Variants in CCR5AS observed in about 807,000 individuals in gnomAD.
The protein encoded by CCR5AS is CCR5 antisense RNA.
chr3:46,402,736 A>G (rs1702014099), intron 1 of CCR5AS, among the ~76,000 whole-genome samples: 1 of 152,132 alleles, frequency 6.6e-6, no homozygotes, highest in Non-Finnish European at 1.5e-5. Context: ...TTAAACAATA[A>G]TTTTTTGAAC....
intron 2 of CCR5AS, chr3:46,392,690 T>C (rs1027247211): frequency 6.6e-6 from 1 of 152,452 alleles, no homozygotes; most frequent in Non-Finnish European, 1.5e-5. Flanking sequence ...ATGATCCATG[T>C]TGGAGTTTTT....
chr3:46,374,079 T>C (rs950293317), intron 2 of CCR5AS: 17 of 643,822 alleles, frequency 2.6e-5, no homozygotes, highest in Middle Eastern at 3.8e-4. Flanking sequence ...GTTACTGTTA[T>C]AGAGGGTCTA....
At chr3:46,384,890 TAGATAGATAG>T (rs1309639508) in intron 2 of CCR5AS, among the ~76,000 whole-genome samples, 109 of 150,692 alleles carry the variant, frequency 7.2e-4, no homozygotes, top group Non-Finnish European at 1.4e-3. Flanking sequence ...GATAGATAGA[TAGATAGATAG>T]ATAGATAGAT....
exon 2 of CCR5AS, chr3:46,392,945 C>T (rs575855215): frequency 3.1e-5 from 5 of 162,708 alleles, no homozygotes; most frequent in South Asian, 1.7e-4. Context: ...TCACCCTGTC[C>T]GGGGTCTTCG....
At chr3:46,391,079 C>A (rs1325065747) in intron 2 of CCR5AS, among the ~76,000 whole-genome samples, 1 of 152,160 alleles carries the variant, frequency 6.6e-6, no homozygotes, top group Non-Finnish European at 1.5e-5. Context: ...GAGCCTTGGG[C>A]CAGAGTTCCA....
intron 1 of CCR5AS, among the ~76,000 whole-genome samples, chr3:46,404,711 T>A (rs2106783613): frequency 6.6e-6 from 1 of 152,234 alleles, no homozygotes; most frequent in Admixed American, 6.5e-5. Context: ...TTGCTGTCCT[T>A]CCCTGCTTCG....
At chr3:46,366,428 G>T (rs1199671867) in intron 3 of CCR5AS, among the ~76,000 whole-genome samples, 1 of 152,190 alleles carries the variant, frequency 6.6e-6, no homozygotes, top group African/African-American at 2.4e-5. Context: ...GTACCTACAT[G>T]GCACTAGCCT....
intron 2 of CCR5AS, among the ~76,000 whole-genome samples, chr3:46,390,191 G>T (rs1209016654): frequency 6.6e-6 from 1 of 152,144 alleles, no homozygotes; most frequent in Non-Finnish European, 1.5e-5. Flanking sequence ...GTCAGAGTCA[G>T]TCCAAGTAAG....
At chr3:46,373,185 G>A (rs149975182) in intron 2 of CCR5AS, 31 of 1,614,142 alleles carry the variant, frequency 1.9e-5, no homozygotes, top group East Asian at 4.5e-5. Context: ...CGCCCAGTGG[G>A]ACTTTGGAAA....
At chr3:46,397,459 A>G (rs34200951) in intron 1 of CCR5AS, among the ~76,000 whole-genome samples, 47,423 of 151,920 alleles carry the variant, frequency 0.31, 9,259 homozygotes, top group African/African-American at 0.55. Context: ...AATTTGGACA[A>G]GGTATAGGGA....
intron 1 of CCR5AS, among the ~76,000 whole-genome samples, chr3:46,406,277 T>C (rs771139628): frequency 2.8e-4 from 43 of 152,186 alleles, no homozygotes; most frequent in Non-Finnish European, 5.7e-4. Context: ...TTAATCAATA[T>C]ATAAATTCTA....
chr3:46,402,498 T>C (rs973607778), intron 1 of CCR5AS, among the ~76,000 whole-genome samples: 8 of 152,240 alleles, frequency 5.3e-5, no homozygotes, highest in Admixed American at 2.6e-4. Flanking sequence ...TTAAAACTTA[T>C]AATGGCTATT....
chr3:46,404,328 T>TCCC (rs375246531), intron 1 of CCR5AS, among the ~76,000 whole-genome samples: 3 of 42,296 alleles, frequency 7.1e-5, no homozygotes, highest in Non-Finnish European at 1.2e-4. Context: ...TCTCTCTCTC[T>TCCC]TTTTTTTTTT....
At chr3:46,366,677 G>A (rs1701602565) in intron 3 of CCR5AS, among the ~76,000 whole-genome samples, 1 of 152,222 alleles carries the variant, frequency 6.6e-6, no homozygotes, top group Admixed American at 6.5e-5. Flanking sequence ...GGAGACAACA[G>A]CATGGTGAGT....
intron 2 of CCR5AS, chr3:46,373,289 T>G (rs767205045): frequency 6.2e-7 from 1 of 1,614,194 alleles, no homozygotes. Flanking sequence ...GGTACCTGGC[T>G]GTCGTCCATG....
intron 3 of CCR5AS, among the ~76,000 whole-genome samples, chr3:46,367,697 A>T (rs1701613411): frequency 6.6e-6 from 1 of 152,108 alleles, no homozygotes; most frequent in African/African-American, 2.4e-5. Flanking sequence ...CAGCCTCCTG[A>T]GTAGCTGGGA....
chr3:46,394,185 G>C (rs961090796), intron 1 of CCR5AS, among the ~76,000 whole-genome samples: 41 of 152,114 alleles, frequency 2.7e-4, no homozygotes, highest in African/African-American at 9.4e-4. Flanking sequence ...AGTGGGTGAA[G>C]GTCAGGAATG....
chr3:46,373,068 A>C (rs1261999587), intron 2 of CCR5AS: 22 of 1,614,140 alleles, frequency 1.4e-5, no homozygotes, highest in Non-Finnish European at 1.5e-5. Context: ...CCTCATCCTG[A>C]TAAACTGCAA....
At chr3:46,402,808 G>A (rs1702014508) in intron 1 of CCR5AS, among the ~76,000 whole-genome samples, 1 of 152,154 alleles carries the variant, frequency 6.6e-6, no homozygotes, top group South Asian at 2.1e-4. Flanking sequence ...TTTGTCATGA[G>A]GGTTTGTTGT....
Sources: allele counts gnomAD v4.1 joint callset (sites outside exome capture counted in the v4.1 genomes callset), GRCh38; gene constraint gnomAD v4.1.1; transcripts MANE v1.5; gene names NCBI Gene and HGNC (gene_info 2026-07-23, HGNC 2026-07-21).